PPP2R2D: variants seen among roughly 807,000 people sequenced by gnomAD.
PPP2R2D encodes the protein serine/threonine-protein phosphatase 2A 55 kDa regulatory subunit B delta isoform.
Under a neutral mutation model 31.1 loss-of-function variants are expected in PPP2R2D, and 9 were observed. The ratio of observed to expected loss-of-function variants is 0.29; its 90% CI spans 0.17 to 0.51. The LOEUF is 0.51. PPP2R2D is among the 20% of genes least tolerant of loss of function. The pLI is 0.98. For synonymous variants in PPP2R2D, 179 were observed against 172.6 expected, an observed-to-expected ratio of 1.04 and a Z score of -0.29; for missense variants, 391 against 465.6, an observed-to-expected ratio of 0.84 and a Z score of 1.48.
chr10:131,921,710 C>G (rs1564814155), intron 2 of PPP2R2D, among the ~76,000 whole-genome samples: 1 of 152,158 alleles, frequency 6.6e-6, no homozygotes. Flanking sequence ...TCCATTTTTG[C>G]TCAGTTGGGG....
chr10:131,935,529 C>T (rs1231899100), intron 3 of PPP2R2D, among the ~76,000 whole-genome samples: 2 of 152,176 alleles, frequency 1.3e-5, no homozygotes, highest in Non-Finnish European at 2.9e-5. Flanking sequence ...GTCCCTGGGC[C>T]ACATGAGGAA....
intron 3 of PPP2R2D, chr10:131,934,761 C>A: frequency 1.7e-6 from 1 of 588,760 alleles, no homozygotes; most frequent in South Asian, 1.6e-5. Context: ...AGGCCTTTGT[C>A]TTCAGAGTAG....
intron 8 of PPP2R2D, among the ~76,000 whole-genome samples, chr10:131,948,446 T>C (rs1414906371): frequency 6.6e-6 from 1 of 152,236 alleles, no homozygotes; most frequent in African/African-American, 2.4e-5. Context: ...CAGAGGAGTC[T>C]ATTGGCAATA....
chr10:131,956,134 C>A lies in PPP2R2D; in HGVS notation c.*171C>A. 8.0e-7 allele frequency: 1 copy of A among 1,247,330 alleles called. No homozygotes were observed. The highest frequency in any genetic ancestry group is 4.1e-5 in the Admixed American group (1 of 24,496). 77.3% of individuals were successfully genotyped at this position (1,247,330 alleles called of 1,614,324 possible). ...CTGGAGGCCCGGTGTGGTTCCGCCTCGGCGAGGCGCGAGACAGGCGCTGCT... is the reference window on the plus strand; with the variant it reads ...CTGGAGGCCCGGTGTGGTTCCGCCTAGGCGAGGCGCGAGACAGGCGCTGCT... On this transcript the variant is annotated 3_prime_UTR_variant, in exon 9 of 9. Coordinates refer to ENST00000455566, the MANE Select transcript of PPP2R2D (RefSeq NM_018461.5).
chr10:131,966,861 C>CCTA, the PPP2R2D span: 1 of 149,088 alleles, frequency 6.7e-6, no homozygotes, highest in Non-Finnish European at 1.5e-5. Flanking sequence ...AGTCCCAGAG[C>CCTA]TTAGTACCTC....
chr10:131,945,727 A>T lies in PPP2R2D; in HGVS notation c.820+268A>T. 1 of 401,896 alleles carries T rather than the reference A, an allele frequency of 2.5e-6. No individual in the cohort carries two copies. Among genetic ancestry groups the T allele is most frequent in the Non-Finnish European group, 4.5e-6 (1 of 222,740 alleles). The allele number at this position is 401,896 out of a possible 1,614,324, so 24.9% of individuals were successfully genotyped here. Reference sequence around the variant, plus strand: ...CGGCCTCCCAAAGTGCTGGGATTACAGGTGTGAGTCACCGCACCTGGTCAC... The same window carrying T: ...CGGCCTCCCAAAGTGCTGGGATTACTGGTGTGAGTCACCGCACCTGGTCAC... On this transcript the variant is annotated intron_variant, in intron 7 of 8. Transcript: ENST00000455566. This position sits in a 1 kb window ranked among gnomAD's most constrained non-coding sequence, Gnocchi z 4.8.
At chr10:131,920,987 A>T (rs1275127723) in intron 2 of PPP2R2D, among the ~76,000 whole-genome samples, 1 of 152,258 alleles carries the variant, frequency 6.6e-6, no homozygotes, top group Non-Finnish European at 1.5e-5. Context: ...AAATGTTAAT[A>T]GAAGATGAAT....
intron 8 of PPP2R2D, among the ~76,000 whole-genome samples, chr10:131,951,813 C>T (rs961265343): frequency 6.6e-6 from 1 of 151,866 alleles, no homozygotes; most frequent in Non-Finnish European, 1.5e-5. Flanking sequence ...GAGTGAGACT[C>T]TGTCTCAAAA....
At position 131,945,175 on chromosome 10, in the gene PPP2R2D, A is replaced by T; in HGVS notation, c.656-120A>T. 2 of 1,175,522 alleles carry T rather than the reference A, an allele frequency of 1.7e-6. No homozygotes were observed. The highest frequency in any genetic ancestry group is 1.7e-5 in the South Asian group (1 of 60,492). The allele number at this position is 1,175,522 out of a possible 1,614,324, so 72.8% of individuals were successfully genotyped here. On this transcript the variant is annotated intron_variant, in intron 6 of 8. Coordinates refer to ENST00000455566, the MANE Select transcript of PPP2R2D (RefSeq NM_018461.5). This position sits in a 1 kb window ranked among gnomAD's most constrained non-coding sequence, Gnocchi z 4.8. Reference sequence around the variant, plus strand: ...TTCGGGATGTGTAACCAGCCTTCTTAATAGCTAATCCCTTAAACCTCACTG... The same window carrying T: ...TTCGGGATGTGTAACCAGCCTTCTTTATAGCTAATCCCTTAAACCTCACTG...
Position 131,956,312 on chromosome 10 carries a change from C to T in PPP2R2D, c.*349C>T, listed in dbSNP as rs1554899996. Reference sequence around the variant, plus strand: ...CAAGAGAAAAGTTATTGTCAGATACCGCTCTTTCTCCAACTTTCCCTCTTT... The same window carrying T: ...CAAGAGAAAAGTTATTGTCAGATACTGCTCTTTCTCCAACTTTCCCTCTTT... On this transcript the variant is annotated 3_prime_UTR_variant, in exon 9 of 9. Coordinates refer to ENST00000455566, the MANE Select transcript of PPP2R2D (RefSeq NM_018461.5). The T allele has an allele frequency of 1.4e-5, 14 of 1,003,702 alleles. 1 individual carries two copies. Among genetic ancestry groups the T allele is most frequent in the South Asian group, 9.3e-5 (2 of 21,458 alleles). 62.2% of individuals were successfully genotyped at this position (1,003,702 alleles called of 1,614,324 possible). A position where few individuals can be genotyped will look rare whatever the true frequency, so the allele number is the denominator to read the frequency against.
At chr10:131,960,616 G>C (rs1325801350), downstream of PPP2R2D, among the ~76,000 whole-genome samples, 1 of 152,192 alleles carries the variant, frequency 6.6e-6, no homozygotes, top group Non-Finnish European at 1.5e-5. Flanking sequence ...CATGGGATTG[G>C]TGTGTGTCCT....
chr10:131,950,193 AAC>A (rs1325532213), intron 8 of PPP2R2D, among the ~76,000 whole-genome samples: 2 of 152,060 alleles, frequency 1.3e-5, no homozygotes, highest in Non-Finnish European at 2.9e-5. Context: ...CCAAACAGAA[AAC>A]AAGAGACACT....
intron 2 of PPP2R2D, among the ~76,000 whole-genome samples, chr10:131,932,777 A>G (rs1554895878): frequency 6.6e-6 from 1 of 151,840 alleles, no homozygotes; most frequent in Non-Finnish European, 1.5e-5. Flanking sequence ...TTGATAATTT[A>G]AACGTTGTTG....
chr10:131,913,272 C>T (rs1348898412), intron 2 of PPP2R2D, among the ~76,000 whole-genome samples: 2 of 150,462 alleles, frequency 1.3e-5, no homozygotes, highest in Non-Finnish European at 2.9e-5. Flanking sequence ...CTCAAGTGAT[C>T]CGCCCACCTC....
At chr10:131,917,263 A>G (rs1406814100) in intron 2 of PPP2R2D, among the ~76,000 whole-genome samples, 2 of 137,720 alleles carry the variant, frequency 1.5e-5, no homozygotes, top group Non-Finnish European at 3.1e-5. Flanking sequence ...TAGGGACCTC[A>G]GGCGGGTGGA....
rs2036513167 is a variant in PPP2R2D at position 131,945,219 on chromosome 10, C to G, written c.656-76C>G. On this transcript the variant is annotated intron_variant, in intron 6 of 8. Transcript: ENST00000455566. The surrounding 1 kb of genome is among the most constrained non-coding windows in gnomAD (Gnocchi z 4.8). ...CTCACTGCGTGGATTATTTGGCGTC[C>G]TATTTCGCGTGACTGAATGTAGACT... 1.5e-5 allele frequency: 22 copies of G among 1,501,162 alleles called. No individual in the cohort carries two copies. Among genetic ancestry groups the G allele is most frequent in the Non-Finnish European group, 2.0e-5 (22 of 1,105,662 alleles). 93.0% of individuals were successfully genotyped at this position (1,501,162 alleles called of 1,614,324 possible).
chr10:131,967,212 CTG>C, the PPP2R2D span: 6 of 149,516 alleles, frequency 4.0e-5, no homozygotes, highest in Admixed American at 1.3e-4. Flanking sequence ...CCATTGTCAT[CTG>C]TGAGGGGGAC....
chr10:131,937,469 G>A (rs182866678), intron 3 of PPP2R2D, among the ~76,000 whole-genome samples: 1 of 152,270 alleles, frequency 6.6e-6, no homozygotes, highest in East Asian at 1.9e-4. Context: ...TCTCCTGCCC[G>A]TGTCCCCATG....
chr10:131,939,966 A>G, intron 3 of PPP2R2D, 65 bp from the exon 4 acceptor site: 1 of 483,686 alleles, frequency 2.1e-6, no homozygotes, highest in Non-Finnish European at 3.8e-6. Context: ...ATTCAAATTT[A>G]TAGTACTGAA....
Sources: allele counts gnomAD v4.1 joint callset (sites outside exome capture counted in the v4.1 genomes callset), GRCh38; gene constraint gnomAD v4.1.1; non-coding constraint Gnocchi (gnomAD v3.1); transcripts MANE v1.5; gene names NCBI Gene and HGNC (gene_info 2026-07-23, HGNC 2026-07-21).